The following SH3PXD2B variants were observed in gnomAD, a reference collection of about 807,000 sequenced individuals.
SH3PXD2B encodes the protein SH3 and PX domain-containing protein 2B.
In SH3PXD2B, 37 loss-of-function variants were observed where a neutral mutation model predicts 73.1. That is an observed-to-expected ratio of 0.51 (90% confidence interval 0.39 to 0.67). The LOEUF is 0.67. Among genes scored for constraint, SH3PXD2B ranks in the 30% least tolerant of loss-of-function variants. The pLI is 0.00. For synonymous variants in SH3PXD2B, 457 were observed against 480.5 expected (o/e 0.95, Z 0.64); for missense variants, 1,053 against 1,197.8 (o/e 0.88, Z 1.78).
At chr5:172,360,214 A>AT (rs1276906218) in intron 7 of SH3PXD2B, among the ~76,000 whole-genome samples, 1 of 152,242 alleles carries the variant, frequency 6.6e-6, no homozygotes, top group African/African-American at 2.4e-5. Context: ...GGAAACTGTC[A>AT]TAACACAATG....
At chr5:172,351,480 G>A (rs1252476634) in intron 9 of SH3PXD2B, among the ~76,000 whole-genome samples, 4 of 152,136 alleles carry the variant, frequency 2.6e-5, no homozygotes, top group African/African-American at 4.8e-5. Flanking sequence ...CCAGGGGTGT[G>A]CTGCAGTCAG....
chr5:172,348,028 G>A (rs532520280), intron 10 of SH3PXD2B, among the ~76,000 whole-genome samples: 3 of 152,304 alleles, frequency 2.0e-5, no homozygotes, highest in African/African-American at 7.2e-5. Context: ...GGTTCAGCAC[G>A]GGTCCATACA....
intron 4 of SH3PXD2B, among the ~76,000 whole-genome samples, chr5:172,389,491 C>A (rs1758130120): frequency 7.2e-6 from 1 of 138,294 alleles, no homozygotes; most frequent in Admixed American, 8.2e-5. Flanking sequence ...CTCATCTACA[C>A]AATGGGAATA....
chr5:172,353,411 A>G lies in SH3PXD2B; in HGVS notation c.785+477T>C, dbSNP rs1333384468. 6.6e-6 allele frequency among the ~76,000 whole-genome samples: 1 copy of G among 152,200 alleles called. No homozygotes were observed. The highest frequency in any genetic ancestry group is 1.5e-5 in the Non-Finnish European group (1 of 68,032). ...AGGCTCTGATATCATCACATAGGTG[A>G]AAGGGCTGTGAAAGGTGTTTGGAAT... On this transcript the variant is annotated intron_variant, in intron 9 of 12. Coordinates refer to ENST00000311601, the MANE Select transcript of SH3PXD2B (RefSeq NM_001017995.3). The surrounding 1 kb of genome is among the most constrained non-coding windows in gnomAD (Gnocchi z 4.3).
At chr5:172,393,227 T>G (rs892822828) in intron 4 of SH3PXD2B, among the ~76,000 whole-genome samples, 1 of 152,250 alleles carries the variant, frequency 6.6e-6, no homozygotes, top group Non-Finnish European at 1.5e-5. Context: ...CATTTAGATC[T>G]TCTTTAATTT....
intron 3 of SH3PXD2B, among the ~76,000 whole-genome samples, chr5:172,404,680 C>A (rs1758512285): frequency 6.6e-6 from 1 of 152,198 alleles, no homozygotes; most frequent in Non-Finnish European, 1.5e-5. Flanking sequence ...ACATAAAAAT[C>A]ATCATAGTAA....
At chr5:172,400,025 C>A (rs1254261832) in intron 3 of SH3PXD2B, among the ~76,000 whole-genome samples, 1 of 152,198 alleles carries the variant, frequency 6.6e-6, no homozygotes, top group Non-Finnish European at 1.5e-5. Flanking sequence ...AAATACCCCC[C>A]TCTGTGCCTT....
intron 1 of SH3PXD2B, among the ~76,000 whole-genome samples, chr5:172,439,907 G>T (rs548546566): frequency 6.6e-6 from 1 of 152,302 alleles, no homozygotes. Context: ...CAGGCCTCTG[G>T]CTGCCAGCTC....
Position 172,333,646 on chromosome 5 carries a change from A to C in SH3PXD2B, c.*4723T>G. ...TCACATCCTATATACTCATTTATTT[A>C]ATGTGTTAAAGGAAACAAAAACCAC... On this transcript the variant is annotated 3_prime_UTR_variant, in exon 13 of 13. Coordinates refer to ENST00000311601, the MANE Select transcript of SH3PXD2B (RefSeq NM_001017995.3). 1 of 1,289,202 alleles carries C rather than the reference A, an allele frequency of 7.8e-7. No individual in the cohort carries two copies. The highest frequency in any genetic ancestry group is 2.3e-5 in the Admixed American group (1 of 43,524). The allele number at this position is 1,289,202 out of a possible 1,614,324, so 79.9% of individuals were successfully genotyped here. A position where few individuals can be genotyped will look rare whatever the true frequency, so the allele number is the denominator to read the frequency against.
At chr5:172,325,251 C>A (rs1408118512) in exon 13 of SH3PXD2B, 1 of 1,489,020 alleles carries the variant, frequency 6.7e-7, no homozygotes, top group Non-Finnish European at 9.0e-7. Context: ...TTCATGTTCA[C>A]AGCAGCAAGG....
At position 172,338,426 on chromosome 5, in the gene SH3PXD2B, G is replaced by A. The variant is rs756544471; in HGVS notation, c.2679C>T (p.Ser893=). 21 of 1,614,076 alleles carry A rather than the reference G, an allele frequency of 1.3e-5. No homozygotes were observed. The highest frequency in any genetic ancestry group is 6.7e-5 in the East Asian group (3 of 44,888). ...TCCACCCTTCCCAGGAAGGGGCTCC[G>A]CTCAGGACCTGGCAGAACCACCAGC... ...SSGWWFCQVL[S]GAPSWEGWIP... Residue 893 remains serine (S), a synonymous_variant, in exon 13 of 13, where the codon AGC becomes AGT. Coordinates refer to ENST00000311601, the MANE Select transcript of SH3PXD2B (RefSeq NM_001017995.3). The surrounding 1 kb of genome is among the most constrained non-coding windows in gnomAD (Gnocchi z 5.1).
intron 1 of SH3PXD2B, among the ~76,000 whole-genome samples, chr5:172,446,613 T>C (rs1197528025): frequency 6.6e-6 from 1 of 152,148 alleles, no homozygotes; most frequent in Middle Eastern, 3.2e-3. Context: ...TGTTTGGCAG[T>C]GTGATAACTG....
chr5:172,436,548 T>C (rs1982065), intron 1 of SH3PXD2B, among the ~76,000 whole-genome samples: 70,473 of 152,092 alleles, frequency 0.46, 16,533 homozygotes, highest in African/African-American at 0.53. Flanking sequence ...TTGCCCAAGG[T>C]CCTGTAGCCA....
rs1429100555 is a variant in SH3PXD2B at position 172,337,687 on chromosome 5, C to A, written c.*682G>T. The A allele has an allele frequency of 3.0e-6, 3 of 988,166 alleles. No homozygotes were observed. Among genetic ancestry groups the A allele is most frequent in the African/African-American group, 3.5e-5 (2 of 57,244 alleles). The allele number at this position is 988,166 out of a possible 1,614,324, so 61.2% of individuals were successfully genotyped here. ...GCAGCATACGCGGGGCTGGAACCAC[C>A]CTTCAGGGCTGACCACGGTCCCAAG... On this transcript the variant is annotated 3_prime_UTR_variant, in exon 13 of 13. Coordinates refer to ENST00000311601, the MANE Select transcript of SH3PXD2B (RefSeq NM_001017995.3).
In SH3PXD2B at chr5:172,333,768, T is replaced by C. The variant is rs1161005172; in HGVS notation, c.*4601A>G. On this transcript the variant is annotated 3_prime_UTR_variant, in exon 13 of 13. Transcript: ENST00000311601. ...CGAGGTGGTGGGCAGTGCCCACTGT[T>C]CCTGGAGGGAGGTAAGAAATGGCCT... 1.6e-6 allele frequency: 2 copies of C among 1,289,222 alleles called. No individual in the cohort carries two copies. Among genetic ancestry groups the C allele is most frequent in the Admixed American group, 4.6e-5 (2 of 43,384 alleles). 79.9% of individuals were successfully genotyped at this position (1,289,222 alleles called of 1,614,324 possible). A position where few individuals can be genotyped will look rare whatever the true frequency, so the allele number is the denominator to read the frequency against.
At chr5:172,360,105 G>C (rs1757365974) in intron 7 of SH3PXD2B, among the ~76,000 whole-genome samples, 1 of 152,304 alleles carries the variant, frequency 6.6e-6, no homozygotes, top group African/African-American at 2.4e-5. Flanking sequence ...CAGACTATTA[G>C]ATAATAAATA....
intron 1 of SH3PXD2B, among the ~76,000 whole-genome samples, chr5:172,449,265 C>A (rs1474204713): frequency 6.6e-6 from 1 of 152,170 alleles, no homozygotes; most frequent in Non-Finnish European, 1.5e-5. Context: ...CTGGGATGGC[C>A]CCAGTATCTC....
At chr5:172,360,859 T>C (rs917090025) in intron 7 of SH3PXD2B, among the ~76,000 whole-genome samples, 2 of 152,096 alleles carry the variant, frequency 1.3e-5, no homozygotes, top group African/African-American at 4.8e-5. Flanking sequence ...TAAAAAAAGA[T>C]ATGTGTATCT....
rs1162831561 is a variant in SH3PXD2B at position 172,368,481 on chromosome 5, T to A, written c.427+5309A>T. ...TATATATATATATTATATATATATATAAAATATATATATATTATATATATA... is the reference window on the plus strand; with the variant it reads ...TATATATATATATTATATATATATAAAAAATATATATATATTATATATATA... On this transcript the variant is annotated intron_variant, in intron 6 of 12. Coordinates refer to ENST00000311601, the MANE Select transcript of SH3PXD2B (RefSeq NM_001017995.3). Among the ~76,000 whole-genome samples, 96 of 21,526 alleles carry A rather than the reference T, an allele frequency of 4.5e-3. 19 individuals are homozygous for A. Among genetic ancestry groups the A allele is most frequent in the Non-Finnish European group, 5.9e-3 (83 of 14,116 alleles). 14.1% of individuals were successfully genotyped at this position (21,526 alleles called of 152,430 possible). A position where few individuals can be genotyped will look rare whatever the true frequency, so the allele number is the denominator to read the frequency against.
Sources: allele counts gnomAD v4.1 joint callset (sites outside exome capture counted in the v4.1 genomes callset), GRCh38; gene constraint gnomAD v4.1.1; non-coding constraint Gnocchi (gnomAD v3.1); transcripts MANE v1.5; gene names NCBI Gene and HGNC (gene_info 2026-07-23, HGNC 2026-07-21).